Variants in MCCC1 observed in about 807,000 individuals in gnomAD.
MCCC1 encodes the protein methylcrotonoyl-CoA carboxylase subunit alpha, mitochondrial.
MCCC1 carries 64 observed loss-of-function variants against 83.8 expected under a neutral mutation model. The observed-to-expected ratio is 0.76, with a 90% confidence interval of 0.62 to 0.94. The LOEUF (loss-of-function observed/expected upper bound fraction) is 0.94. Among genes scored for constraint, MCCC1 ranks in the 40% least tolerant of loss-of-function variants. The pLI is 0.00. For missense variants in MCCC1, 807 were observed against 904.7 expected, an observed-to-expected ratio of 0.89 and a Z score of 1.39; for synonymous variants, 322 against 315.4, an observed-to-expected ratio of 1.02 and a Z score of -0.22.
Position 183,099,351 on chromosome 3 carries a change from C to G in MCCC1, c.89+1G>C, listed in dbSNP as rs771730236. 6 of 1,596,258 alleles carry G rather than the reference C, an allele frequency of 3.8e-6. No individual in the cohort carries two copies. In the Admixed American group the frequency reaches 1.0e-4, roughly 27 times the overall value. ...CACTGAGCCATGGCCCCTCCACCCACCTCGGCGGCAGGAGCAGGCTCGGGA... is the reference window on the plus strand; with the variant it reads ...CACTGAGCCATGGCCCCTCCACCCAGCTCGGCGGCAGGAGCAGGCTCGGGA... On this transcript the variant is annotated splice_donor_variant, in intron 1 of 18. Coordinates refer to ENST00000265594, the MANE Select transcript of MCCC1 (RefSeq NM_020166.5). LOFTEE classifies it high-confidence loss of function.
chr3:183,094,357 T>C (rs889922489), intron 2 of MCCC1, among the ~76,000 whole-genome samples: 10 of 152,100 alleles, frequency 6.6e-5, no homozygotes, highest in Admixed American at 2.6e-4. Context: ...CTGCCCTCTG[T>C]ATTTTAGACT....
intron 12 of MCCC1, 140 bp downstream of exon 12, chr3:183,038,886 C>T: frequency 1.3e-6 from 1 of 774,476 alleles, no homozygotes. Flanking sequence ...CAAAATTCTC[C>T]CATGTGAAAC....
chr3:183,057,547 T>G (rs775893688), intron 7 of MCCC1, 125 bp from the exon 8 acceptor site: 3 of 808,048 alleles, frequency 3.7e-6, no homozygotes, highest in Non-Finnish European at 6.2e-6. Context: ...AAGTAAGATC[T>G]GATATTTTGA....
intron 7 of MCCC1, among the ~76,000 whole-genome samples, chr3:183,058,470 A>C (rs1229228772): frequency 1.3e-5 from 2 of 152,110 alleles, no homozygotes; most frequent in African/African-American, 2.4e-5. Context: ...TTTTTTTTAT[A>C]AATTAGCCAG....
chr3:183,035,780 T>C (rs1713528486), intron 13 of MCCC1, among the ~76,000 whole-genome samples: 1 of 151,974 alleles, frequency 6.6e-6, no homozygotes, highest in South Asian at 2.1e-4. Context: ...TAGCCTGAAA[T>C]GCAAAAAGTA....
intron 4 of MCCC1, among the ~76,000 whole-genome samples, chr3:183,074,293 G>A (rs141169230): frequency 3.9e-4 from 59 of 152,196 alleles, no homozygotes; most frequent in Non-Finnish European, 6.0e-4. Flanking sequence ...CCACAGAAGA[G>A]GAAATTCAGT....
chr3:183,034,986 C>T (rs772684131), intron 13 of MCCC1, among the ~76,000 whole-genome samples: 5 of 152,064 alleles, frequency 3.3e-5, no homozygotes, highest in African/African-American at 4.8e-5. Flanking sequence ...CCATGTTGGC[C>T]AGGCTGGTCT....
At chr3:183,102,676 C>G (rs550686950), upstream of MCCC1, among the ~76,000 whole-genome samples, 68 of 145,310 alleles carry the variant, frequency 4.7e-4, 1 homozygote, top group African/African-American at 1.7e-3. Context: ...CCAAAATATT[C>G]CAAGTAGATG....
chr3:183,027,987 A>G (rs980338324), intron 14 of MCCC1, among the ~76,000 whole-genome samples: 2 of 152,250 alleles, frequency 1.3e-5, no homozygotes, highest in Non-Finnish European at 2.9e-5. Flanking sequence ...GAGACAAAAC[A>G]GTCTTCTTTT....
In MCCC1 at chr3:183,104,935, A is replaced by G. The variant is rs113304362; in HGVS notation, c.-101-10330T>C. On this transcript the variant is annotated intron_variant, in intron 1 of 17. Coordinates refer to the MCCC1 transcript ENST00000492597. The stretch of plus-strand genomic sequence containing the variant: ...CACAAACTCTTTGACCTAGCAAAAG[A>G]ATTTCTTGGAATTCACCTACAGATA... Among the ~76,000 whole-genome samples, 1,078 of 152,348 alleles carry G rather than the reference A, an allele frequency of 7.1e-3. 16 individuals are homozygous for G. Among genetic ancestry groups the G allele is most frequent in the African/African-American group, 0.025 (1,023 of 41,586 alleles).
At chr3:183,083,581 T>C (rs1577347768) in intron 4 of MCCC1, among the ~76,000 whole-genome samples, 1 of 152,224 alleles carries the variant, frequency 6.6e-6, no homozygotes, top group Non-Finnish European at 1.5e-5. Context: ...AAAATAAGTA[T>C]TATTCCTTTC....
intron 1 of MCCC1, among the ~76,000 whole-genome samples, chr3:183,106,558 G>T (rs1719410661): frequency 6.7e-6 from 1 of 148,616 alleles, no homozygotes; most frequent in African/African-American, 2.6e-5. Flanking sequence ...GAGTGCAGGG[G>T]TGCAATCTCA....
In MCCC1 at chr3:183,071,205, C is replaced by A. The variant is rs768630906; in HGVS notation, c.639+5G>T. The A allele has an allele frequency of 5.0e-6, 8 of 1,614,018 alleles. No individual in the cohort carries two copies. The East Asian group carries it at 1.6e-4, about 31-fold the overall frequency. ...ATTGGCAAACACAAGCATGCACAAT[C>A]TTACTTTTCCTCCTCCACCCCGGAC... On this transcript the variant is annotated splice_donor_5th_base_variant and intron_variant, in intron 6 of 18. Transcript: ENST00000265594.
At chr3:183,063,770 C>T (rs1289441991) in intron 7 of MCCC1, among the ~76,000 whole-genome samples, 1 of 152,074 alleles carries the variant, frequency 6.6e-6, no homozygotes, top group Non-Finnish European at 1.5e-5. Flanking sequence ...AAGGAAATCC[C>T]GACCCAAAGC....
intron 7 of MCCC1, among the ~76,000 whole-genome samples, chr3:183,068,128 A>G (rs887629612): frequency 5.3e-5 from 8 of 152,184 alleles, no homozygotes; most frequent in Admixed American, 4.6e-4. Context: ...GGGAAAAGGG[A>G]AATGTCAGAG....
In MCCC1 at chr3:183,088,309, C is replaced by T. The variant is rs561411737; in HGVS notation, c.274-1521G>A. Among the ~76,000 whole-genome samples, 9 of 151,262 alleles carry T rather than the reference C, an allele frequency of 5.9e-5. No individual in the cohort carries two copies. The East Asian group carries it at 1.8e-3, about 29-fold the overall frequency. Reference sequence around the variant, plus strand: ...GCAACCTCTGCCTCCCGGGTTCGAGCGATTCTCCTGCCTCAGCCTCCCGAG... The same window carrying T: ...GCAACCTCTGCCTCCCGGGTTCGAGTGATTCTCCTGCCTCAGCCTCCCGAG... On this transcript the variant is annotated intron_variant, in intron 3 of 18. Transcript: ENST00000265594.
chr3:183,035,921 C>T (rs1188631742), intron 13 of MCCC1, among the ~76,000 whole-genome samples: 4 of 151,426 alleles, frequency 2.6e-5, no homozygotes, highest in African/African-American at 9.7e-5. Flanking sequence ...TGGTGTGCTG[C>T]ACCTATTAAC....
In MCCC1 at chr3:183,092,562, G is replaced by GA; in HGVS notation, c.137-18dup. On this transcript the variant is annotated splice_polypyrimidine_tract_variant and intron_variant, in intron 2 of 18. Coordinates refer to ENST00000265594, the MANE Select transcript of MCCC1 (RefSeq NM_020166.5). ...TGTTTCTTCCTGTTTAAAACACCAT[G>GA]AAAATCACACAGAAATGTTACTGGA... 6.2e-7 allele frequency: 1 copy of GA among 1,613,932 alleles called. No homozygotes were observed. Among genetic ancestry groups the GA allele is most frequent in the South Asian group, 1.1e-5 (1 of 91,072 alleles).
chr3:183,040,153 GTTAAGA>G (rs954237163), intron 11 of MCCC1, among the ~76,000 whole-genome samples: 2 of 141,534 alleles, frequency 1.4e-5, no homozygotes. Flanking sequence ...GGCAAGCAGA[GTTAAGA>G]TGCTTTGCTA....
Sources: allele counts gnomAD v4.1 joint callset (sites outside exome capture counted in the v4.1 genomes callset), GRCh38; gene constraint gnomAD v4.1.1; transcripts MANE v1.5; gene names NCBI Gene and HGNC (gene_info 2026-07-23, HGNC 2026-07-21).